SLCO3A1: variants seen among roughly 807,000 people sequenced by gnomAD.
SLCO3A1 encodes the protein solute carrier organic anion transporter family member 3A1.
SLCO3A1 carries 27 observed loss-of-function variants against 63.1 expected under a neutral mutation model. The ratio of observed to expected loss-of-function variants is 0.43; its 90% CI spans 0.32 to 0.59. SLCO3A1 has a LOEUF of 0.59. Among genes scored for constraint, SLCO3A1 ranks in the 20% least tolerant of loss-of-function variants. The pLI is 0.09. For synonymous variants in SLCO3A1, 473 were observed against 409.9 expected (o/e 1.15, Z -1.86); for missense variants, 773 against 945.8 (o/e 0.82, Z 2.40).
intron 2 of SLCO3A1, among the ~76,000 whole-genome samples, chr15:91,943,526 A>G (rs1899694434): frequency 6.6e-6 from 1 of 152,216 alleles, no homozygotes; most frequent in Admixed American, 6.5e-5. Context: ...GCTGCTGTGA[A>G]TTAATGCTGC....
At chr15:92,045,468 A>G (rs1457773214) in intron 2 of SLCO3A1, among the ~76,000 whole-genome samples, 1 of 152,172 alleles carries the variant, frequency 6.6e-6, no homozygotes, top group South Asian at 2.1e-4. Flanking sequence ...TTATTTTTAC[A>G]TGACTGATAT....
chr15:91,981,317 T>C (rs775961854), intron 2 of SLCO3A1, among the ~76,000 whole-genome samples: 3 of 152,178 alleles, frequency 2.0e-5, no homozygotes, highest in Non-Finnish European at 4.4e-5. Context: ...GAAAGCTCCA[T>C]GGGACATCAT....
intron 2 of SLCO3A1, among the ~76,000 whole-genome samples, chr15:92,083,349 A>C (rs1205050284): frequency 6.6e-6 from 1 of 152,148 alleles, no homozygotes; most frequent in Non-Finnish European, 1.5e-5. Flanking sequence ...GTCACTGCTA[A>C]GAAGTCAGGA....
intron 1 of SLCO3A1, among the ~76,000 whole-genome samples, chr15:91,910,068 T>G (rs1030776650): frequency 6.6e-6 from 1 of 152,162 alleles, no homozygotes; most frequent in Non-Finnish European, 1.5e-5. Context: ...TCAAGGTTGT[T>G]TTTATCTCAG....
intron 2 of SLCO3A1, among the ~76,000 whole-genome samples, chr15:92,027,654 G>A (rs1410729772): frequency 6.6e-6 from 1 of 152,216 alleles, no homozygotes; most frequent in Non-Finnish European, 1.5e-5. Context: ...CCCTGGTGTG[G>A]AGTGCCACAA....
chr15:92,143,439 A>ATT (rs1491266225), intron 7 of SLCO3A1, among the ~76,000 whole-genome samples: 1 of 6,932 alleles, frequency 1.4e-4, no homozygotes, highest in Non-Finnish European at 2.2e-4. Context: ...TAATATATAT[A>ATT]ATATATATAT....
chr15:92,096,144 C>G (rs1433400995), intron 3 of SLCO3A1, among the ~76,000 whole-genome samples: 1 of 152,166 alleles, frequency 6.6e-6, no homozygotes, highest in Non-Finnish European at 1.5e-5. Flanking sequence ...GCAACCTGGT[C>G]TTGGATCATC....
At chr15:92,037,167 T>A (rs2046738574) in intron 2 of SLCO3A1, among the ~76,000 whole-genome samples, 2 of 152,178 alleles carry the variant, frequency 1.3e-5, no homozygotes, top group Non-Finnish European at 2.9e-5. Flanking sequence ...TTTCTCTTGC[T>A]TACAACCATC....
At chr15:92,047,999 G>C (rs1245856005) in intron 2 of SLCO3A1, among the ~76,000 whole-genome samples, 1 of 151,860 alleles carries the variant, frequency 6.6e-6, no homozygotes, top group African/African-American at 2.4e-5. Flanking sequence ...TGAACTACAG[G>C]GTCTGCTGTT....
At chr15:92,087,123 G>A (rs942221869) in intron 2 of SLCO3A1, among the ~76,000 whole-genome samples, 24 of 152,066 alleles carry the variant, frequency 1.6e-4, no homozygotes, top group African/African-American at 5.3e-4. Context: ...ATTTTTGCAC[G>A]TGTTGTGAGG....
chr15:92,129,472 T>A (rs1274660220), intron 7 of SLCO3A1, among the ~76,000 whole-genome samples: 2 of 152,194 alleles, frequency 1.3e-5, no homozygotes, highest in Non-Finnish European at 2.9e-5. Context: ...CTTCCCTTTT[T>A]ATCTTTGGGG....
At chr15:91,995,233 A>G (rs2046176679) in intron 2 of SLCO3A1, among the ~76,000 whole-genome samples, 1 of 152,180 alleles carries the variant, frequency 6.6e-6, no homozygotes, top group African/African-American at 2.4e-5. Context: ...AGAGGAAGGC[A>G]CAGAGACCTG....
intron 1 of SLCO3A1, among the ~76,000 whole-genome samples, chr15:91,877,787 G>GT (rs1051181124): frequency 2.4e-4 from 36 of 152,128 alleles, no homozygotes; most frequent in African/African-American, 8.0e-4. Context: ...AGAAGGAGGC[G>GT]TTTTAGGAAG....
intron 1 of SLCO3A1, among the ~76,000 whole-genome samples, chr15:91,866,828 G>A (rs1196802977): frequency 6.6e-6 from 1 of 152,058 alleles, no homozygotes; most frequent in Non-Finnish European, 1.5e-5. Context: ...GTCTGGTCTA[G>A]TTGTATTACA....
intron 2 of SLCO3A1, among the ~76,000 whole-genome samples, chr15:92,084,700 G>T (rs559840888): frequency 1.3e-5 from 2 of 152,358 alleles, no homozygotes; most frequent in African/African-American, 2.4e-5. Context: ...GCAGATGCCT[G>T]CAGCTCCTCG....
rs1899655281 is a variant in SLCO3A1 at position 91,942,447 on chromosome 15, C to T, written c.646+25989C>T. On this transcript the variant is annotated intron_variant, in intron 2 of 9. Transcript: ENST00000318445. The surrounding 1 kb of genome is among the most constrained non-coding windows in gnomAD (Gnocchi z 4.1). ...GCTACTATGGCACAACTGCAGGGGGCACCATGTAGAGACCGTAGTTGGATG... is the reference window on the plus strand; with the variant it reads ...GCTACTATGGCACAACTGCAGGGGGTACCATGTAGAGACCGTAGTTGGATG... 6.6e-6 allele frequency among the ~76,000 whole-genome samples: 1 copy of T among 152,186 alleles called. No individual in the cohort carries two copies. Among genetic ancestry groups the T allele is most frequent in the African/African-American group, 2.4e-5 (1 of 41,454 alleles).
chr15:91,960,874 C>T (rs114079096), intron 2 of SLCO3A1, among the ~76,000 whole-genome samples: 5,202 of 152,254 alleles, frequency 0.034, 185 homozygotes, highest in African/African-American at 0.086. Context: ...ATGAGCATTT[C>T]CTTTGAGTGT....
At chr15:91,867,630 G>A (rs920237766) in intron 1 of SLCO3A1, among the ~76,000 whole-genome samples, 1 of 152,084 alleles carries the variant, frequency 6.6e-6, no homozygotes, top group African/African-American at 2.4e-5. Flanking sequence ...CAAACAAAAA[G>A]TGGGTGTGCA....
At chr15:92,012,877 A>G (rs1488572481) in intron 2 of SLCO3A1, among the ~76,000 whole-genome samples, 1 of 152,264 alleles carries the variant, frequency 6.6e-6, no homozygotes, top group Non-Finnish European at 1.5e-5. Flanking sequence ...ACAAAGATGA[A>G]TAACTTCAGA....
Sources: gnomAD v4.1 joint callset for allele counts (sites outside exome capture counted in the v4.1 genomes callset) on GRCh38, gnomAD v4.1.1 for gene constraint, Gnocchi (gnomAD v3.1) non-coding constraint, MANE v1.5 for transcripts, NCBI Gene and HGNC (gene_info 2026-07-23, HGNC 2026-07-21) for gene names.